Variants in MTOR observed in about 807,000 individuals in gnomAD.
The protein encoded by MTOR is mechanistic target of rapamycin kinase, also known as serine/threonine-protein kinase mTOR.
Under a neutral mutation model 319.8 loss-of-function variants are expected in MTOR, and 70 were observed. That is an observed-to-expected ratio of 0.22 (90% CI 0.18 to 0.27). MTOR has a LOEUF of 0.27. Ranked by LOEUF, MTOR falls within the 10% of genes least tolerant of loss-of-function variation. MTOR has a pLI of 1.00. For missense variants in MTOR, 1,890 were observed against 3,274.4 expected (o/e 0.58, Z 10.32); for synonymous variants, 1,183 against 1,211.4 (o/e 0.98, Z 0.49).
chr1:11,124,923 C>T (rs1396209536), intron 46 of MTOR, among the ~76,000 whole-genome samples: 2 of 152,338 alleles, frequency 1.3e-5, no homozygotes, highest in Admixed American at 6.5e-5. Context: ...ACTCTGTCCT[C>T]CTCTGTTCTG....
chr1:11,194,344 T>C (rs188299532), intron 28 of MTOR: 1 of 947,828 alleles, frequency 1.1e-6, no homozygotes, highest in South Asian at 1.5e-5. Flanking sequence ...AAAGTCTTAT[T>C]AGATTCACAC....
chr1:11,243,931 C>A (rs1648442452), intron 8 of MTOR, among the ~76,000 whole-genome samples: 1 of 151,826 alleles, frequency 6.6e-6, no homozygotes, highest in African/African-American at 2.4e-5. Context: ...GGCTGAGGAA[C>A]ATCACTTGAG....
At chr1:11,243,519 T>C (rs1280451481) in intron 8 of MTOR, among the ~76,000 whole-genome samples, 1 of 151,854 alleles carries the variant, frequency 6.6e-6, no homozygotes, top group Non-Finnish European at 1.5e-5. Flanking sequence ...AGTGAGACCC[T>C]GTCTCTACAA....
At chr1:11,260,705 A>G (rs997033830) in intron 1 of MTOR, among the ~76,000 whole-genome samples, 3 of 132,366 alleles carry the variant, frequency 2.3e-5, no homozygotes, top group African/African-American at 7.5e-5. Context: ...TAAAAAATTG[A>G]TATAGTGTCC....
chr1:11,194,074 G>GAGGTCCTTTAGGTGCTTTAGGTCCTTT (rs1430555795), intron 28 of MTOR, among the ~76,000 whole-genome samples: 4 of 152,192 alleles, frequency 2.6e-5, no homozygotes, highest in Non-Finnish European at 5.9e-5. Context: ...GGCCGAGCAT[G>GAGGTCCTTTAGGTGCTTTAGGTCCTTT]AGGTCCTTTA....
In MTOR at chr1:11,121,447, G is replaced by A; in HGVS notation, c.6811-79C>T. The A allele has an allele frequency of 1.3e-6, 2 of 1,575,954 alleles. No homozygotes were observed. Among genetic ancestry groups the A allele is most frequent in the South Asian group, 1.1e-5 (1 of 88,140 alleles). On this transcript the variant is annotated intron_variant, in intron 48 of 57. Transcript: ENST00000361445. This position sits in a 1 kb window ranked among gnomAD's most constrained non-coding sequence, Gnocchi z 4.9. ...GGTCCAGGAAGAAACAAGGCTTGGGGTCCAGGCAGAGCTGAGTTCTAATTT... is the reference window on the plus strand; with the variant it reads ...GGTCCAGGAAGAAACAAGGCTTGGGATCCAGGCAGAGCTGAGTTCTAATTT...
At chr1:11,225,177 A>G (rs943837589) in intron 19 of MTOR, among the ~76,000 whole-genome samples, 3 of 152,178 alleles carry the variant, frequency 2.0e-5, no homozygotes, top group Non-Finnish European at 4.4e-5. Context: ...ATTTTACGGT[A>G]TGTAAATTTT....
At chr1:11,137,152 TAAAAAAAAAA>T (rs33927011) in intron 36 of MTOR, among the ~76,000 whole-genome samples, 6 of 73,350 alleles carry the variant, frequency 8.2e-5, no homozygotes, top group African/African-American at 2.1e-4. Context: ...TAAATCTGAT[TAAAAAAAAAA>T]AAAAAAAAAA....
intron 38 of MTOR, chr1:11,131,865 T>C (rs1417131): frequency 0.25 from 37,986 of 152,168 alleles, 5,061 homozygotes; most frequent in African/African-American, 0.34. Context: ...AACACAGGTG[T>C]ATCCGTTTTC....
chr1:11,210,611 A>G (rs921202038), intron 24 of MTOR, among the ~76,000 whole-genome samples: 5 of 152,204 alleles, frequency 3.3e-5, no homozygotes, highest in Admixed American at 3.3e-4. Flanking sequence ...CATCATTTAC[A>G]CATTGTGTAT....
intron 18 of MTOR, 77 bp from the exon 19 acceptor site, chr1:11,228,995 A>C (rs1042544017): frequency 3.3e-6 from 5 of 1,528,052 alleles, no homozygotes; most frequent in African/African-American, 2.7e-5. Context: ...TTAGTAACAA[A>C]CAACCTCCTA....
At chr1:11,126,253 A>T (rs906529631) in intron 46 of MTOR, among the ~76,000 whole-genome samples, 6 of 151,726 alleles carry the variant, frequency 4.0e-5, no homozygotes, top group Non-Finnish European at 7.4e-5. Context: ...AAAGAAAAAA[A>T]TTTCAAGAGC....
intron 28 of MTOR, among the ~76,000 whole-genome samples, chr1:11,192,635 G>A (rs1645587045): frequency 1.3e-5 from 2 of 151,224 alleles, no homozygotes; most frequent in Admixed American, 6.6e-5. Flanking sequence ...GTGGGCACCT[G>A]TAATCCCTGC....
rs746846533 is a variant in MTOR, at chr1:11,150,088, C to T, written c.4570+38G>A. The T allele has an allele frequency of 3.8e-6, 6 of 1,580,742 alleles. No individual in the cohort carries two copies. In the Admixed American group the frequency reaches 8.3e-5, roughly 22 times the overall value. On this transcript the variant is annotated intron_variant, in intron 31 of 57. Transcript: ENST00000361445. ...TGATGCGAGCCCCTAGCCTCACTCA[C>T]CCCATCCTTCACAGGGTGCCTGTGA...
At chr1:11,230,050 G>C (rs921568812) in intron 18 of MTOR, among the ~76,000 whole-genome samples, 18 of 151,822 alleles carry the variant, frequency 1.2e-4, no homozygotes, top group Admixed American at 9.8e-4. Context: ...TGTCTAACTG[G>C]AACCTTGCAC....
At chr1:11,260,546 T>TAA (rs879816976) in intron 1 of MTOR, among the ~76,000 whole-genome samples, 3 of 135,422 alleles carry the variant, frequency 2.2e-5, no homozygotes, top group African/African-American at 5.4e-5. Context: ...CCATCTCAAT[T>TAA]AAAAAAAAAA....
chr1:11,114,186 G>A (rs1368224360), intron 53 of MTOR, 132 bp downstream of exon 53: 7 of 1,046,954 alleles, frequency 6.7e-6, no homozygotes, highest in Non-Finnish European at 9.6e-6. Flanking sequence ...TGCAGAAAGG[G>A]GTCTTACTAT....
chr1:11,144,632 T>C lies in MTOR; in HGVS notation c.4872+16A>G, dbSNP rs745419495. The C allele has an allele frequency of 1.2e-6, 2 of 1,612,664 alleles. No individual in the cohort carries two copies. The highest frequency in any genetic ancestry group is 1.7e-6 in the Non-Finnish European group (2 of 1,178,902). ...TAGGGGTAGGTGGGTGAACTGGGGC[T>C]TTCTACCAAGCTCACCTGCAGTCTC... is the stretch of plus-strand genomic sequence containing the variant. On this transcript the variant is annotated intron_variant, in intron 34 of 57. Coordinates refer to ENST00000361445, the MANE Select transcript of MTOR (RefSeq NM_004958.4).
intron 29 of MTOR, 112 bp downstream of exon 29, chr1:11,167,329 GT>G (rs1037759581): frequency 1.1e-5 from 9 of 784,718 alleles, no homozygotes; most frequent in African/African-American, 8.5e-5. Flanking sequence ...GCATCAGACT[GT>G]TATGAATTGG....
Sources: gnomAD v4.1 joint callset for allele counts (sites outside exome capture counted in the v4.1 genomes callset) on GRCh38, gnomAD v4.1.1 for gene constraint, Gnocchi (gnomAD v3.1) non-coding constraint, MANE v1.5 for transcripts, NCBI Gene and HGNC (gene_info 2026-07-23, HGNC 2026-07-21) for gene names.